Variants in SLC26A1 observed in about 807,000 individuals in gnomAD.
SLC26A1 encodes the protein solute carrier family 26 member 1, also known as sulfate anion transporter 1.
SLC26A1 carries 18 observed loss-of-function variants against 14.5 expected under a neutral mutation model. The ratio of observed to expected loss-of-function variants is 1.24; its 90% CI spans 0.86 to 1.84. SLC26A1 has a LOEUF of 1.84. Among genes scored for constraint, SLC26A1 ranks in the 40% most tolerant of loss-of-function variants. SLC26A1 has a pLI of 0.00. For missense variants in SLC26A1, 1,049 were observed against 1,020.0 expected (o/e 1.03, Z -0.39); for synonymous variants, 505 against 492.0 (o/e 1.03, Z -0.35).
At chr4:985,965 G>A (rs1004268756), downstream of SLC26A1, among the ~76,000 whole-genome samples, 1 of 151,958 alleles carries the variant, frequency 6.6e-6, no homozygotes, top group Non-Finnish European at 1.5e-5. Flanking sequence ...TGTCAACCAG[G>A]CTGGAATGTA....
rs181740018 is a variant in SLC26A1, at chr4:981,942, C to G, written c.577-2438G>C. Among the ~76,000 whole-genome samples, 603 of 152,312 alleles carry G rather than the reference C, an allele frequency of 4.0e-3. 38 individuals carry two copies. In the South Asian group the frequency reaches 0.1, roughly 26 times the overall value. On this transcript the variant is annotated intron_variant, in intron 2 of 2. Coordinates refer to the SLC26A1 transcript ENST00000398520. ...TCACGCCATTCTCCTGCCTCAGCCT[C>G]CCAAGTAGCTGGGACTACAGGCACC...
chr4:992,688 C>A (rs1473606888), intron 1 of SLC26A1: 2 of 157,038 alleles, frequency 1.3e-5, no homozygotes, highest in Non-Finnish European at 2.8e-5. Flanking sequence ...CACACAGTCA[C>A]CCTGGGCCGG....
Position 979,319 on chromosome 4 carries a change from G to T in SLC26A1, c.*87C>A, listed in dbSNP as rs1193737388. ...AGGTGCTGATCCAAGCCTCCCTCTG[G>T]AATAAGCTGTATCCACCGGCTTCTC... On this transcript the variant is annotated 3_prime_UTR_variant, in exon 3 of 3. Transcript: ENST00000398520. The T allele has an allele frequency of 4.9e-6, 4 of 820,596 alleles. No homozygotes were observed. The South Asian group carries it at 6.0e-5, about 12-fold the overall frequency. 50.8% of individuals were successfully genotyped at this position (820,596 alleles called of 1,614,324 possible).
In SLC26A1 at chr4:991,169, G is replaced by T. The variant is rs370208644; in HGVS notation, c.535C>A (p.Arg179Ser). ...LDCGRDCYAIRVATALTLMTG... is the reference protein window; with the variant it reads ...LDCGRDCYAISVATALTLMTG... ...ATCAGCGTGAGGGCGGTGGCGACACGGATGGCGTAGCAGTCACGCCCGCAG... is the reference window on the plus strand; with the variant it reads ...ATCAGCGTGAGGGCGGTGGCGACACTGATGGCGTAGCAGTCACGCCCGCAG... Residue 179 changes from arginine to serine, a missense_variant, in exon 2 of 3, where the codon CGT (arginine) becomes AGT (serine). Arg to Ser is a moderately radical substitution (Grantham distance 110, BLOSUM62 -1). Transcript: ENST00000398516. 1 of 1,567,634 alleles carries T rather than the reference G, an allele frequency of 6.4e-7. No individual in the cohort carries two copies. Among genetic ancestry groups the T allele is most frequent in the South Asian group, 1.2e-5 (1 of 84,126 alleles).
rs939896947 is a variant in SLC26A1 at position 979,574 on chromosome 4, C to T, written c.577-70G>A. 3.8e-6 allele frequency: 6 copies of T among 1,590,776 alleles called. No individual in the cohort carries two copies. In the South Asian group the frequency reaches 5.6e-5, roughly 15 times the overall value. On this transcript the variant is annotated intron_variant, in intron 2 of 2. Coordinates refer to the SLC26A1 transcript ENST00000398520. ...CGCTGACGTCTCCACAGCCAAACGT[C>T]CCCCTGCCGGGCCCCAAAGTGCCCA...
In SLC26A1 at chr4:987,697, C is replaced by T. The variant is rs913294828; in HGVS notation, c.*1136G>A. The T allele has an allele frequency of 1.3e-5, 20 of 1,541,430 alleles. No individual in the cohort carries two copies. The highest frequency in any genetic ancestry group is 9.5e-5 in the Admixed American group (5 of 52,386). The stretch of plus-strand genomic sequence containing the variant: ...GTCATTTTATTAGTCACTGAACGCA[C>T]GGGCAGCGCCTGGATCCTGCGCCCG... On this transcript the variant is annotated 3_prime_UTR_variant, in exon 3 of 3. Transcript: ENST00000398516.
intron 2 of SLC26A1, among the ~76,000 whole-genome samples, chr4:980,477 T>G (rs554463542): frequency 6.6e-6 from 1 of 151,698 alleles, no homozygotes; most frequent in East Asian, 1.9e-4. Flanking sequence ...TCCCAGCTAC[T>G]TGGGAGGCTG....
chr4:983,859 C>T (rs1002857094), downstream of SLC26A1, among the ~76,000 whole-genome samples: 8 of 152,208 alleles, frequency 5.3e-5, no homozygotes, highest in African/African-American at 1.9e-4. Flanking sequence ...GGGTCTCACT[C>T]TGTTGCCCAG....
chr4:987,310 C>T, downstream of SLC26A1: 1 of 1,388,078 alleles, frequency 7.2e-7, no homozygotes, highest in Non-Finnish European at 9.7e-7. Flanking sequence ...CCTGACTGCG[C>T]ACTGTGAGAG....
chr4:981,724 C>T (rs544506300), intron 2 of SLC26A1, among the ~76,000 whole-genome samples: 4 of 152,354 alleles, frequency 2.6e-5, no homozygotes, highest in South Asian at 2.1e-4. Flanking sequence ...TCTTCTTAGC[C>T]GGCTGGCGTC....
chr4:991,379 T>G lies in SLC26A1; in HGVS notation c.325A>C (p.Asn109His), dbSNP rs1714305372. 3.1e-6 allele frequency: 5 copies of G among 1,612,704 alleles called. No individual in the cohort carries two copies. The South Asian group carries it at 5.5e-5, about 18-fold the overall frequency. Residue 109 changes from asparagine (N) to histidine (H), a missense_variant, in exon 2 of 3, where the codon AAC (asparagine) becomes CAC (histidine). By Grantham distance (68) the Asn-to-His change is moderately conservative. Transcript: ENST00000398516. The stretch of plus-strand genomic sequence containing the variant: ...GTGCCCATGAGGAAGTAGATGAGGT[T>G]GGCGAAGAAGGACGTATAGAGGCTG... ...IYSLYTSFFA[N>H]LIYFLMGTSR...
At position 987,711 on chromosome 4, in the gene SLC26A1, A is replaced by T; in HGVS notation, c.*1122T>A. ...CACTGAACGCACGGGCAGCGCCTGG[A>T]TCCTGCGCCCGGGCAGTCCTGGGCT... On this transcript the variant is annotated 3_prime_UTR_variant, in exon 3 of 3. Coordinates refer to ENST00000398516, the MANE Select transcript of SLC26A1 (RefSeq NM_022042.4). 3 of 1,571,654 alleles carry T rather than the reference A, an allele frequency of 1.9e-6. No individual in the cohort carries two copies. The highest frequency in any genetic ancestry group is 2.6e-6 in the Non-Finnish European group (3 of 1,158,780).
In SLC26A1 at chr4:989,093, A is replaced by C; in HGVS notation, c.1846T>G (p.Cys616Gly). ...AAGFHTVVID[C>G]APLLFLDAAG... is the part of the protein sequence containing the mutation. ...GCGTCTAGGAACAGCAGCGGGGCGC[A>C]GTCGATGACCACTGTGTGGAAGCCG... Residue 616 changes from cysteine (C) to glycine (G), a missense_variant, in exon 3 of 3, where the codon TGC becomes GGC. By Grantham distance (159) the Cys-to-Gly change is radical. Transcript: ENST00000398516. 2 of 1,601,694 alleles carry C rather than the reference A, an allele frequency of 1.2e-6. No homozygotes were observed. The highest frequency in any genetic ancestry group is 1.7e-6 in the Non-Finnish European group (2 of 1,174,542).
At chr4:992,255 C>G in intron 1 of SLC26A1, 1 of 455,458 alleles carries the variant, frequency 2.2e-6, no homozygotes, top group Non-Finnish European at 4.4e-6. Context: ...CTGCTGTCCA[C>G]CCCATGCCCA....
Position 991,669 on chromosome 4 carries a change from C to T in SLC26A1, c.35G>A (p.Arg12Lys), listed in dbSNP as rs1331379893. ...CTGCCGTCGGACCGGCACCGGCCCT[C>T]TGCCCTGCTGCAGAGGCTCAGGGGA... ...DESPEPLQQGRGPVPVRRQRP... is the reference protein window; with the variant it reads ...DESPEPLQQGKGPVPVRRQRP... Residue 12 changes from arginine (R) to lysine (K), a missense_variant, in exon 2 of 3, where the codon AGA (arginine) becomes AAA (lysine). Transcript: ENST00000398516. 5.2e-6 allele frequency: 8 copies of T among 1,537,018 alleles called. No individual in the cohort carries two copies. The highest frequency in any genetic ancestry group is 7.0e-6 in the Non-Finnish European group (8 of 1,148,290).
intron 1 of SLC26A1, chr4:991,978 G>A (rs1176199438): frequency 1.4e-6 from 1 of 727,062 alleles, no homozygotes; most frequent in Admixed American, 2.0e-5. Flanking sequence ...ATGCCATGGG[G>A]TGTGCTGAGG....
Position 988,896 on chromosome 4 carries a change from G to C in SLC26A1, c.2043C>G (p.His681Gln). The change falls in exon 3 of 3, where the codon CAC becomes CAG. Residue 681 changes from histidine to glutamine, a missense_variant. Physicochemically the swap from His to Gln is conservative, Grantham distance 24. Coordinates refer to ENST00000398516, the MANE Select transcript of SLC26A1 (RefSeq NM_022042.4). The stretch of plus-strand genomic sequence containing the variant: ...GGGCTCGTGCTGTCTGCACGGCATC[G>C]TGCACACTGAGGAACAGCTGCTCCT... ...AEEEQLFLSV[H>Q]DAVQTARARH... is the part of the protein sequence containing the mutation. The C allele has an allele frequency of 6.2e-7, 1 of 1,604,256 alleles. No homozygotes were observed. The highest frequency in any genetic ancestry group is 8.5e-7 in the Non-Finnish European group (1 of 1,176,380).
At position 990,276 on chromosome 4, in the gene SLC26A1, C is replaced by T; in HGVS notation, c.663G>A (p.Val221=). Residue 221 remains valine (V), a synonymous_variant, in exon 3 of 3, where the codon GTG becomes GTA. Coordinates refer to ENST00000398516, the MANE Select transcript of SLC26A1 (RefSeq NM_022042.4). The stretch of plus-strand genomic sequence containing the variant: ...GTTTGAGCTGCGAGGTCAGGATGGT[C>T]ACGGAGGCCCCCATGGCAAAGCCAT... ...LLDGFAMGAS[V]TILTSQLKHL... is the part of the protein sequence containing the mutation. 6.3e-7 allele frequency: 1 copy of T among 1,599,484 alleles called. No individual in the cohort carries two copies. The highest frequency in any genetic ancestry group is 8.5e-7 in the Non-Finnish European group (1 of 1,174,720).
chr4:978,999 AT>A (rs1713456179), downstream of SLC26A1: 1 of 156,152 alleles, frequency 6.4e-6, no homozygotes, highest in Admixed American at 6.5e-5. Context: ...AATCCAGAAA[AT>A]ACCGAGATTT....
Sources: allele counts gnomAD v4.1 joint callset (sites outside exome capture counted in the v4.1 genomes callset), GRCh38; gene constraint gnomAD v4.1.1; transcripts MANE v1.5; gene names NCBI Gene and HGNC (gene_info 2026-07-23, HGNC 2026-07-21).